DAPK2: variants seen among roughly 807,000 people sequenced by gnomAD.
DAPK2 encodes the protein death associated protein kinase 2.
A neutral mutation model predicts 44.1 loss-of-function variants in DAPK2; 35 were observed. The ratio of observed to expected loss-of-function variants is 0.79; its 90% CI spans 0.61 to 1.05. The LOEUF (loss-of-function observed/expected upper bound fraction) is 1.05, where lower values mean the gene tolerates loss of function less well. DAPK2 is among the 50% of genes least tolerant of loss of function. The pLI, the probability that DAPK2 is intolerant of heterozygous loss-of-function variation, is 0.00. For missense variants in DAPK2, 453 were observed against 483.2 expected (o/e 0.94, Z 0.59); for synonymous variants, 174 against 182.6 (o/e 0.95, Z 0.38).
At chr15:64,025,562 T>C (rs1431096245) in intron 1 of DAPK2, among the ~76,000 whole-genome samples, 1 of 152,192 alleles carries the variant, frequency 6.6e-6, no homozygotes, top group Non-Finnish European at 1.5e-5. Flanking sequence ...CCCAATTCCA[T>C]CATAAATTAC....
At chr15:63,947,317 T>C (rs912011942) in intron 3 of DAPK2, among the ~76,000 whole-genome samples, 2 of 139,542 alleles carry the variant, frequency 1.4e-5, no homozygotes, top group Non-Finnish European at 3.2e-5. Flanking sequence ...TTACATGTCC[T>C]GTCCCCACTA....
chr15:63,995,625 A>G (rs1263780310), intron 1 of DAPK2, among the ~76,000 whole-genome samples: 1 of 152,216 alleles, frequency 6.6e-6, no homozygotes, highest in African/African-American at 2.4e-5. Context: ...CATGCAGGGT[A>G]TACCTTCAAA....
chr15:63,971,660 A>G, intron 2 of DAPK2, 99 bp from the exon 4 acceptor site: 1 of 1,316,150 alleles, frequency 7.6e-7, no homozygotes, highest in Non-Finnish European at 1.0e-6. Flanking sequence ...CTGACCCCCC[A>G]GGGACCTTGT....
chr15:63,922,583 C>G (rs2079105463), intron 8 of DAPK2: 2 of 1,414,498 alleles, frequency 1.4e-6, no homozygotes, highest in Non-Finnish European at 1.8e-6. Flanking sequence ...TTAACTGGCA[C>G]CTCAGCAATT....
chr15:63,981,097 A>C (rs911541428), intron 2 of DAPK2, among the ~76,000 whole-genome samples: 1 of 152,062 alleles, frequency 6.6e-6, no homozygotes, highest in African/African-American at 2.4e-5. Context: ...CTCAAAAAAA[A>C]AAAAAAAAGA....
rs2078488964 is a variant in DAPK2 at position 63,980,911 on chromosome 15, GA to G, written c.314+2621del. 6.6e-6 allele frequency among the ~76,000 whole-genome samples: 1 copy of G among 152,130 alleles called. No individual in the cohort carries two copies. Among genetic ancestry groups the G allele is most frequent in the South Asian group, 2.1e-4 (1 of 4,824 alleles). ...TCGAGACCAGCCTGGCCAACATGGA[GA>G]AACCCCATCTCTACTAAAAATACAA... On this transcript the variant is annotated intron_variant, in intron 2 of 10. Coordinates refer to ENST00000261891, the Ensembl canonical transcript of DAPK2. The surrounding 1 kb of genome is among the most constrained non-coding windows in gnomAD (Gnocchi z 4.3).
chr15:64,028,166 C>G (rs1411342852), intron 1 of DAPK2, among the ~76,000 whole-genome samples: 1 of 152,190 alleles, frequency 6.6e-6, no homozygotes, highest in Non-Finnish European at 1.5e-5. Context: ...TCAAGTGATT[C>G]TCTGGCCTCA....
chr15:63,997,334 T>C (rs2078976265), intron 1 of DAPK2, among the ~76,000 whole-genome samples: 1 of 152,210 alleles, frequency 6.6e-6, no homozygotes, highest in Non-Finnish European at 1.5e-5. Flanking sequence ...CAATTTATTT[T>C]ATTTTATTTC....
chr15:63,941,314 C>T (rs1295582303), intron 3 of DAPK2, among the ~76,000 whole-genome samples: 2 of 152,166 alleles, frequency 1.3e-5, no homozygotes, highest in Non-Finnish European at 1.5e-5. Flanking sequence ...CCCCACCAGG[C>T]TTATTTGAAC....
intron 8 of DAPK2, among the ~76,000 whole-genome samples, chr15:63,924,218 G>C (rs1213374660): frequency 1.3e-5 from 2 of 152,146 alleles, no homozygotes; most frequent in East Asian, 3.9e-4. Flanking sequence ...AAAGCCAGCA[G>C]GAAGCCCGAC....
At chr15:63,982,294 A>C (rs977772834) in intron 2 of DAPK2, among the ~76,000 whole-genome samples, 1 of 148,854 alleles carries the variant, frequency 6.7e-6, no homozygotes, top group Admixed American at 6.9e-5. Flanking sequence ...GGGTTCAAGC[A>C]ATTCTACTGC....
intron 3 of DAPK2, among the ~76,000 whole-genome samples, chr15:63,965,022 T>G (rs1307992772): frequency 1.3e-5 from 2 of 152,212 alleles, no homozygotes; most frequent in Non-Finnish European, 2.9e-5. Context: ...TTTATTGATG[T>G]CTGGCCATTG....
intron 1 of DAPK2, 113 bp from the exon 3 acceptor site, chr15:63,983,867 A>G (rs2078599584): frequency 4.8e-6 from 5 of 1,040,262 alleles, no homozygotes; most frequent in Non-Finnish European, 7.0e-6. Flanking sequence ...AGGACAGGAC[A>G]AATCATGCCA....
chr15:64,038,868 AT>A (rs1270629350), intron 1 of DAPK2, among the ~76,000 whole-genome samples: 1 of 152,142 alleles, frequency 6.6e-6, no homozygotes, highest in Non-Finnish European at 1.5e-5. Flanking sequence ...CCTGCCTCCC[AT>A]TCTATTCAAA....
intron 8 of DAPK2, chr15:63,920,347 G>A (rs1297902894): frequency 6.6e-6 from 1 of 152,178 alleles, no homozygotes; most frequent in African/African-American, 2.4e-5. Context: ...TGTCAAGGTT[G>A]AGATGCATGG....
At chr15:63,968,223 C>T (rs890691867) in intron 3 of DAPK2, among the ~76,000 whole-genome samples, 5 of 152,216 alleles carry the variant, frequency 3.3e-5, no homozygotes, top group Non-Finnish European at 5.9e-5. Flanking sequence ...CTGAGGTAAT[C>T]CTTCTGAGTT....
At chr15:64,026,012 C>T (rs1252014246) in intron 1 of DAPK2, among the ~76,000 whole-genome samples, 8 of 152,156 alleles carry the variant, frequency 5.3e-5, no homozygotes, top group Non-Finnish European at 1.0e-4. Context: ...GTTTTCTGTG[C>T]CCCACACTCA....
At chr15:64,024,898 T>G (rs1242443845) in intron 1 of DAPK2, among the ~76,000 whole-genome samples, 1 of 151,846 alleles carries the variant, frequency 6.6e-6, no homozygotes, top group African/African-American at 2.4e-5. Flanking sequence ...CAGGGGCCAG[T>G]GTTTCAGGAT....
intron 3 of DAPK2, among the ~76,000 whole-genome samples, chr15:63,948,077 G>C (rs1487150830): frequency 3.3e-5 from 5 of 152,052 alleles, no homozygotes; most frequent in Admixed American, 2.0e-4. Context: ...AGACCAGCCT[G>C]GCCAACATAG....
Sources: allele counts gnomAD v4.1 joint callset (sites outside exome capture counted in the v4.1 genomes callset), GRCh38; gene constraint gnomAD v4.1.1; non-coding constraint Gnocchi (gnomAD v3.1); transcripts MANE v1.5; gene names NCBI Gene and HGNC (gene_info 2026-07-23, HGNC 2026-07-21).